The following FGF12 variants were observed in gnomAD, a reference collection of about 807,000 sequenced individuals.
FGF12 encodes fibroblast growth factor 12, also known as fibroblast growth factor 12B.
FGF12 carries 14 observed loss-of-function variants against 23.6 expected under a neutral mutation model. The observed-to-expected ratio is 0.59, with a 90% CI of 0.39 to 0.93. The LOEUF is 0.93. Ranked by LOEUF, FGF12 falls within the 40% of genes least tolerant of loss-of-function variation. FGF12 has a pLI of 0.00. For missense variants in FGF12, 175 were observed against 217.8 expected, an observed-to-expected ratio of 0.80 and a Z score of 1.24; for synonymous variants, 62 against 77.3, an observed-to-expected ratio of 0.80 and a Z score of 1.04.
chr3:192,170,438 A>C lies in FGF12; in HGVS notation c.427+20T>G. The stretch of plus-strand genomic sequence containing the variant: ...ACACACAGATAAGGGTCCAACAAAG[A>C]CAGTCAGTTGGTTTCATACCTTCAA... On this transcript the variant is annotated intron_variant, in intron 5 of 5. Coordinates refer to ENST00000445105, the MANE Select transcript of FGF12 (RefSeq NM_004113.6). 6.2e-7 allele frequency: 1 copy of C among 1,607,202 alleles called. No individual in the cohort carries two copies. Among genetic ancestry groups the C allele is most frequent in the South Asian group, 1.1e-5 (1 of 90,832 alleles).
At chr3:192,238,434 G>A (rs1719419602) in intron 4 of FGF12, 10 of 152,330 alleles carry the variant, frequency 6.6e-5, no homozygotes, top group Admixed American at 6.6e-4. Flanking sequence ...TGCTGGCAGG[G>A]GAGGTCATGG....
chr3:192,415,906 ACATT>A (rs1187277938), intron 2 of FGF12, among the ~76,000 whole-genome samples: 3 of 152,088 alleles, frequency 2.0e-5, no homozygotes, highest in African/African-American at 7.2e-5. Flanking sequence ...AATAATCTTC[ACATT>A]CATACTGTCA....
At chr3:192,681,233 G>A (rs181774702) in intron 2 of FGF12, among the ~76,000 whole-genome samples, 1 of 152,228 alleles carries the variant, frequency 6.6e-6, no homozygotes, top group East Asian at 1.9e-4. Flanking sequence ...AGAACCAAAG[G>A]GATATAACAA....
At chr3:192,594,635 C>G (rs555898004) in intron 2 of FGF12, among the ~76,000 whole-genome samples, 2 of 151,810 alleles carry the variant, frequency 1.3e-5, no homozygotes, top group African/African-American at 4.8e-5. Flanking sequence ...AGGTCTGATC[C>G]TAAACAGAGT....
chr3:192,521,316 G>C (rs1272234958), intron 2 of FGF12: 1 of 152,092 alleles, frequency 6.6e-6, no homozygotes, highest in East Asian at 1.9e-4. Flanking sequence ...GGCTGCAGTT[G>C]GACGTTTTCC....
chr3:192,447,236 G>A (rs1209025754), intron 2 of FGF12, among the ~76,000 whole-genome samples: 1 of 152,148 alleles, frequency 6.6e-6, no homozygotes, highest in Non-Finnish European at 1.5e-5. Context: ...AACAACAAAA[G>A]AGAAAACCCA....
At chr3:192,628,282 A>G (rs1286562074) in intron 2 of FGF12, among the ~76,000 whole-genome samples, 1 of 152,084 alleles carries the variant, frequency 6.6e-6, no homozygotes, top group Non-Finnish European at 1.5e-5. Context: ...TCTACTTCAG[A>G]GCTATTTTAG....
intron 3 of FGF12, among the ~76,000 whole-genome samples, chr3:192,355,501 T>G (rs760684298): frequency 6.6e-6 from 1 of 152,154 alleles, no homozygotes; most frequent in East Asian, 1.9e-4. Context: ...TGACTTCCAA[T>G]GAATATCATA....
chr3:192,170,208 G>A (rs1475581769), intron 5 of FGF12, among the ~76,000 whole-genome samples: 5 of 145,682 alleles, frequency 3.4e-5, no homozygotes, highest in Non-Finnish European at 7.5e-5. Context: ...GCTCGAATCC[G>A]GGAGGAGGTT....
intron 2 of FGF12, among the ~76,000 whole-genome samples, chr3:192,590,019 C>A (rs1713554801): frequency 6.6e-6 from 1 of 151,660 alleles, no homozygotes; most frequent in Non-Finnish European, 1.5e-5. Flanking sequence ...AAAAAATGAT[C>A]TTGGGAGATT....
chr3:192,666,179 C>A (rs1468482396), intron 2 of FGF12, among the ~76,000 whole-genome samples: 5 of 152,070 alleles, frequency 3.3e-5, no homozygotes, highest in African/African-American at 4.8e-5. Context: ...ATTTTAAATA[C>A]CTTTCTTTTT....
rs182294486 is a variant in FGF12, at chr3:192,702,003, C to T, written c.13+25178G>A. ...CTACATAACTGAAACTTTTTACCCT[C>T]CCTCCCTTAGCACCTCCCACCACAA... is the stretch of plus-strand genomic sequence containing the variant. On this transcript the variant is annotated intron_variant, in intron 2 of 5. Coordinates refer to ENST00000445105, the MANE Select transcript of FGF12 (RefSeq NM_004113.6). Among the ~76,000 whole-genome samples, 4 of 152,284 alleles carry T rather than the reference C, an allele frequency of 2.6e-5. No homozygotes were observed. In the East Asian group the frequency reaches 7.7e-4, roughly 29 times the overall value.
intron 4 of FGF12, among the ~76,000 whole-genome samples, chr3:192,186,101 G>GAGAT (rs1716451736): frequency 6.6e-6 from 1 of 152,138 alleles, no homozygotes; most frequent in Non-Finnish European, 1.5e-5. Context: ...TTGAGTGTAA[G>GAGAT]AGATACTATT....
intron 4 of FGF12, among the ~76,000 whole-genome samples, chr3:192,206,655 G>A (rs1717663116): frequency 6.6e-6 from 1 of 151,912 alleles, no homozygotes; most frequent in South Asian, 2.1e-4. Context: ...TCATATTTTC[G>A]GGCACTTTTT....
At chr3:192,234,467 T>C (rs1484454945) in intron 4 of FGF12, among the ~76,000 whole-genome samples, 1 of 152,230 alleles carries the variant, frequency 6.6e-6, no homozygotes, top group Non-Finnish European at 1.5e-5. Flanking sequence ...AGGTATAGAA[T>C]CATATCATCT....
At chr3:192,392,591 C>CGAGAGAGAGAGA (rs67784749) in intron 2 of FGF12, among the ~76,000 whole-genome samples, 14 of 41,868 alleles carry the variant, frequency 3.3e-4, no homozygotes, top group African/African-American at 1.5e-3. Context: ...AGTGAAACTC[C>CGAGAGAGAGAGA]GAGAGAGAGA....
At chr3:192,222,992 C>T (rs536789996) in intron 4 of FGF12, among the ~76,000 whole-genome samples, 49 of 152,220 alleles carry the variant, frequency 3.2e-4, no homozygotes, top group African/African-American at 9.1e-4. Flanking sequence ...GCACGTATTC[C>T]GCACTGCACC....
chr3:192,562,694 T>C (rs1712097833), intron 2 of FGF12, among the ~76,000 whole-genome samples: 1 of 151,884 alleles, frequency 6.6e-6, no homozygotes, highest in Admixed American at 6.6e-5. Context: ...GAAATTTGGG[T>C]ACAGAAGATA....
At position 192,409,067 on chromosome 3, in the gene FGF12, CGAGGGAGGGGGGAGGGCGCGAGG is replaced by C; in HGVS notation, c.14-48552_14-48530del. ...GCAGCACTGCAAAGAGAGCGGGAGG[CGAGGGAGGGGGGAGGGCGCGAGG>C]GAGGGAGGGAGATCCTCGAGGGCCA... is the stretch of plus-strand genomic sequence containing the variant. On this transcript the variant is annotated intron_variant, in intron 2 of 5. Transcript: ENST00000445105. This position sits in a 1 kb window ranked among gnomAD's most constrained non-coding sequence, Gnocchi z 4.8. The C allele has an allele frequency of 1.5e-6, 1 of 683,982 alleles. No individual in the cohort carries two copies. Among genetic ancestry groups the C allele is most frequent in the Non-Finnish European group, 1.7e-6 (1 of 591,040 alleles). 42.4% of individuals were successfully genotyped at this position (683,982 alleles called of 1,614,324 possible).
Sources: allele counts gnomAD v4.1 joint callset (sites outside exome capture counted in the v4.1 genomes callset), GRCh38; gene constraint gnomAD v4.1.1; non-coding constraint Gnocchi (gnomAD v3.1); transcripts MANE v1.5; gene names NCBI Gene and HGNC (gene_info 2026-07-23, HGNC 2026-07-21).